CYSTM1: variants seen among roughly 807,000 people sequenced by gnomAD.
The protein encoded by CYSTM1 is cysteine rich transmembrane module containing 1.
A neutral mutation model predicts 13.1 loss-of-function variants in CYSTM1; 4 were observed. The observed-to-expected ratio is 0.31, with a 90% CI of 0.15 to 0.70. The LOEUF is 0.70. Ranked by LOEUF, CYSTM1 falls within the 30% of genes least tolerant of loss-of-function variation. The probability of loss-of-function intolerance (pLI) is 0.72; values close to 1 mark genes in which losing one functional copy is unlikely to be tolerated. For synonymous variants in CYSTM1, 36 were observed against 42.7 expected (o/e 0.84, Z 0.62); for missense variants, 96 against 121.6 (o/e 0.79, Z 0.99).
At chr5:140,220,155 A>G (rs1764473056) in intron 2 of CYSTM1, among the ~76,000 whole-genome samples, 2 of 152,042 alleles carry the variant, frequency 1.3e-5, no homozygotes, top group South Asian at 2.1e-4. Flanking sequence ...CTTTATTTCT[A>G]TGCTTCCCTG....
At chr5:140,225,333 G>A (rs1393990612) in intron 2 of CYSTM1, among the ~76,000 whole-genome samples, 1 of 152,238 alleles carries the variant, frequency 6.6e-6, no homozygotes, top group Admixed American at 6.5e-5. Context: ...GGGGATTCCT[G>A]CTGGGGTGAC....
chr5:140,224,211 C>CGAAATATCCA (rs1351807863), intron 2 of CYSTM1, among the ~76,000 whole-genome samples: 1 of 152,174 alleles, frequency 6.6e-6, no homozygotes, highest in African/African-American at 2.4e-5. Flanking sequence ...GAAATCTCGG[C>CGAAATATCCA]TCACCGCAAC....
chr5:140,218,950 C>T (rs1764460360), intron 2 of CYSTM1, among the ~76,000 whole-genome samples: 2 of 152,186 alleles, frequency 1.3e-5, no homozygotes, highest in African/African-American at 4.8e-5. Context: ...ACAAGGCCAA[C>T]CTTACTTAGT....
intron 2 of CYSTM1, chr5:140,201,578 T>C (rs530712147): frequency 6.6e-6 from 1 of 152,388 alleles, no homozygotes; most frequent in South Asian, 2.1e-4. Flanking sequence ...CACTCCTATT[T>C]GCTTCAACTG....
intron 2 of CYSTM1, among the ~76,000 whole-genome samples, chr5:140,226,465 TA>T (rs199693036): frequency 4.2e-4 from 44 of 104,812 alleles, no homozygotes; most frequent in Admixed American, 7.0e-4. Context: ...CCCGTCTCTA[TA>T]AAAAATATAT....
chr5:140,186,550 A>G (rs939002867), intron 1 of CYSTM1, among the ~76,000 whole-genome samples: 1 of 152,216 alleles, frequency 6.6e-6, no homozygotes, highest in African/African-American at 2.4e-5. Flanking sequence ...CTGAGTAATT[A>G]GTTATCTCTA....
chr5:140,234,221 A>G (rs763800905), intron 2 of CYSTM1, among the ~76,000 whole-genome samples: 38 of 152,298 alleles, frequency 2.5e-4, no homozygotes, highest in Non-Finnish European at 4.7e-4. Context: ...GCTTTCTCCA[A>G]TGAATTGCCT....
chr5:140,234,415 ATTTG>A (rs1173743641), intron 2 of CYSTM1, among the ~76,000 whole-genome samples: 2 of 152,038 alleles, frequency 1.3e-5, no homozygotes, highest in African/African-American at 2.4e-5. Flanking sequence ...AAATTTTAGA[ATTTG>A]TTTATCTTTA....
intron 2 of CYSTM1, chr5:140,202,647 C>T (rs535257124): frequency 1.3e-5 from 2 of 152,284 alleles, no homozygotes; most frequent in African/African-American, 4.8e-5. Flanking sequence ...CAACTTTCTT[C>T]TTGGCTTTGT....
At chr5:140,215,018 T>C (rs1352510730) in intron 2 of CYSTM1, among the ~76,000 whole-genome samples, 1 of 152,216 alleles carries the variant, frequency 6.6e-6, no homozygotes, top group African/African-American at 2.4e-5. Flanking sequence ...ACCAGCTGCC[T>C]GTGTGGCACA....
chr5:140,203,571 A>G (rs1245844534), intron 2 of CYSTM1, among the ~76,000 whole-genome samples: 1 of 152,252 alleles, frequency 6.6e-6, no homozygotes, highest in Non-Finnish European at 1.5e-5. Context: ...TGACTGAAAC[A>G]TTCTAAATAA....
intron 2 of CYSTM1, among the ~76,000 whole-genome samples, chr5:140,235,700 C>A (rs1764673587): frequency 6.6e-6 from 1 of 152,194 alleles, no homozygotes; most frequent in Admixed American, 6.5e-5. Context: ...CCACCGCACC[C>A]AGCCCAGAAA....
At chr5:140,185,031 T>G (rs1764000569) in intron 1 of CYSTM1, among the ~76,000 whole-genome samples, 1 of 152,256 alleles carries the variant, frequency 6.6e-6, no homozygotes. Flanking sequence ...GGATAGCGGC[T>G]TAAAGCAATT....
At chr5:140,205,900 TATA>T (rs1197175357) in intron 2 of CYSTM1, among the ~76,000 whole-genome samples, 1 of 152,088 alleles carries the variant, frequency 6.6e-6, no homozygotes, top group African/African-American at 2.4e-5. Flanking sequence ...ATCATGGCCA[TATA>T]ATTGATCCCC....
intron 2 of CYSTM1, 37 bp downstream of exon 2, chr5:140,194,689 G>T (rs771339004): frequency 6.4e-7 from 1 of 1,563,764 alleles, no homozygotes; most frequent in Admixed American, 2.2e-5. Context: ...GCAGTCCCGT[G>T]TCACTAAAGG....
At chr5:140,234,419 GTTTATC>G (rs1293097647) in intron 2 of CYSTM1, among the ~76,000 whole-genome samples, 4 of 152,048 alleles carry the variant, frequency 2.6e-5, no homozygotes, top group South Asian at 4.1e-4. Flanking sequence ...TTTAGAATTT[GTTTATC>G]TTTATCTATT....
chr5:140,177,828 T>C (rs1763909664), intron 1 of CYSTM1, among the ~76,000 whole-genome samples: 1 of 152,210 alleles, frequency 6.6e-6, no homozygotes. Flanking sequence ...TTTAGAAAAG[T>C]AACTGTTTTC....
chr5:140,201,169 C>G (rs1258872438), intron 2 of CYSTM1: 1 of 152,176 alleles, frequency 6.6e-6, no homozygotes, highest in African/African-American at 2.4e-5. Context: ...AAAATAGACT[C>G]CATCCTGGAG....
intron 1 of CYSTM1, among the ~76,000 whole-genome samples, chr5:140,177,492 C>G (rs1763904287): frequency 6.6e-6 from 1 of 152,102 alleles, no homozygotes; most frequent in African/African-American, 2.4e-5. Context: ...AATTGGACCT[C>G]CAGGGATCCT....
Sources: gnomAD v4.1 joint callset for allele counts (sites outside exome capture counted in the v4.1 genomes callset) on GRCh38, gnomAD v4.1.1 for gene constraint, MANE v1.5 for transcripts, NCBI Gene and HGNC (gene_info 2026-07-23, HGNC 2026-07-21) for gene names.